Variants in PPFIA1 observed in about 807,000 individuals in gnomAD.
The protein encoded by PPFIA1 is PPFI scaffold protein A1.
PPFIA1 carries 25 observed loss-of-function variants against 149.9 expected under a neutral mutation model. The ratio of observed to expected loss-of-function variants is 0.17; its 90% CI spans 0.12 to 0.23. PPFIA1 has a LOEUF of 0.23. Among genes scored for constraint, PPFIA1 ranks in the 10% least tolerant of loss-of-function variants. The pLI, the probability that PPFIA1 is intolerant of heterozygous loss-of-function variation, is 1.00. For synonymous variants in PPFIA1, 549 were observed against 552.8 expected (o/e 0.99, Z 0.10); for missense variants, 1,362 against 1,506.5 (o/e 0.90, Z 1.59).
Position 70,331,977 on chromosome 11 carries a change from C to T in PPFIA1, c.1095C>T (p.Arg365=). The T allele has an allele frequency of 6.2e-7, 1 of 1,609,832 alleles. No homozygotes were observed. Among genetic ancestry groups the T allele is most frequent in the Non-Finnish European group, 8.5e-7 (1 of 1,178,730 alleles). Residue 365 remains arginine (R), a synonymous_variant, in exon 9 of 28, where the codon CGC becomes CGT. Coordinates refer to ENST00000253925, the MANE Select transcript of PPFIA1 (RefSeq NM_003626.5). ...TTTTATAGACTGAAGATAAAAACCG[C>T]CAGTTACAGGAGCGCTTGGAATTGG... ...SMHRQTEDKN[R]QLQERLELAE...
At position 70,332,074 on chromosome 11, in the gene PPFIA1, A is replaced by G; in HGVS notation, c.1192A>G (p.Arg398Gly). 1 of 1,609,094 alleles carries G rather than the reference A, an allele frequency of 6.2e-7. No homozygotes were observed. The highest frequency in any genetic ancestry group is 2.2e-5 in the East Asian group (1 of 44,530). Residue 398 changes from arginine (R) to glycine (G), a missense_variant, in exon 9 of 28, where the codon AGG becomes GGG. Coordinates refer to ENST00000253925, the MANE Select transcript of PPFIA1 (RefSeq NM_003626.5). ...LPEVEAELAQ[R>G]VAALSKAEER... ...GGAGGTGGAGGCGGAGCTGGCCCAG[A>G]GGGTGGCAGCGCTTTCCAAGGTAGT...
At chr11:70,354,164 G>A (rs1374091264) in intron 16 of PPFIA1, 137 bp from the exon 17 acceptor site, 15 of 910,240 alleles carry the variant, frequency 1.6e-5, no homozygotes, top group Non-Finnish European at 2.3e-5. Context: ...TCAGAATGGT[G>A]CCAGACTGAA....
intron 26 of PPFIA1, chr11:70,378,510 C>T (rs565528639): frequency 2.9e-6 from 3 of 1,025,818 alleles, no homozygotes; most frequent in Non-Finnish European, 3.5e-6. Flanking sequence ...TGTGACAGGC[C>T]GTGCTAGAAA....
At chr11:70,307,303 G>A (rs373334335) in intron 2 of PPFIA1, among the ~76,000 whole-genome samples, 1 of 152,174 alleles carries the variant, frequency 6.6e-6, no homozygotes, top group African/African-American at 2.4e-5. Flanking sequence ...GCAAAAGATT[G>A]GAAGCAGGAA....
intron 7 of PPFIA1, among the ~76,000 whole-genome samples, chr11:70,329,121 C>G (rs1270546745): frequency 2.0e-5 from 3 of 152,174 alleles, no homozygotes; most frequent in Non-Finnish European, 2.9e-5. Context: ...GAAAGTGAGA[C>G]TTGTATCTCA....
At chr11:70,315,966 A>C (rs1240181561) in intron 2 of PPFIA1, among the ~76,000 whole-genome samples, 2 of 152,210 alleles carry the variant, frequency 1.3e-5, no homozygotes, top group African/African-American at 4.8e-5. Flanking sequence ...TATAAGTGGA[A>C]TTCTACAGTG....
Position 70,354,101 on chromosome 11 carries a change from G to T in PPFIA1, c.2164-200G>T, listed in dbSNP as rs542912215. ...CTGTTGGGCCCCAGCGCACGCTCGT[G>T]GGGAGGCAGACCAGGAGTCTGACAA... On this transcript the variant is annotated intron_variant, in intron 16 of 27. Coordinates refer to ENST00000253925, the MANE Select transcript of PPFIA1 (RefSeq NM_003626.5). 3.7e-4 allele frequency: 205 copies of T among 552,422 alleles called. No homozygotes were observed. The East Asian group carries it at 5.4e-3, about 15-fold the overall frequency. The allele number at this position is 552,422 out of a possible 1,614,324, so 34.2% of individuals were successfully genotyped here.
chr11:70,365,710 A>C (rs1440924440), intron 21 of PPFIA1: 1 of 353,142 alleles, frequency 2.8e-6, no homozygotes, highest in Non-Finnish European at 5.6e-6. Flanking sequence ...CATGTGACTG[A>C]CTGTGTGGCC....
At position 70,310,578 on chromosome 11, in the gene PPFIA1, G is replaced by A. The variant is rs542985465; in HGVS notation, c.265-13824G>A. Among the ~76,000 whole-genome samples the A allele has an allele frequency of 6.3e-4, 96 of 152,028 alleles. 2 individuals carry two copies. In the South Asian group the frequency reaches 0.02, roughly 31 times the overall value. On this transcript the variant is annotated intron_variant, in intron 2 of 27. Coordinates refer to ENST00000253925, the MANE Select transcript of PPFIA1 (RefSeq NM_003626.5). ...TTTTGGTATTTTTAGTAGAGATGGG[G>A]TTTCACCATGTTGGCCAGAATGATG...
chr11:70,351,724 A>G (rs2056066573), intron 16 of PPFIA1, among the ~76,000 whole-genome samples: 1 of 152,104 alleles, frequency 6.6e-6, no homozygotes, highest in African/African-American at 2.4e-5. Flanking sequence ...TCCCCATTTT[A>G]CAGATGTGGA....
intron 2 of PPFIA1, among the ~76,000 whole-genome samples, chr11:70,317,373 A>G (rs1248111011): frequency 6.6e-6 from 1 of 152,090 alleles, no homozygotes; most frequent in Non-Finnish European, 1.5e-5. Flanking sequence ...ATTTGCTTTG[A>G]TATATTTTCA....
rs1366395548 is a variant in PPFIA1, at chr11:70,287,730, G to GC, written c.264+15296dup. Among the ~76,000 whole-genome samples, 7 of 151,858 alleles carry GC rather than the reference G, an allele frequency of 4.6e-5. No homozygotes were observed. In the East Asian group the frequency reaches 1.4e-3, roughly 30 times the overall value. On this transcript the variant is annotated intron_variant, in intron 2 of 27. Coordinates refer to ENST00000253925, the MANE Select transcript of PPFIA1 (RefSeq NM_003626.5). ...ACAATCACAGCTCACCGTATTCTCA[G>GC]CCTCCCTAGCTCAGGCAGTCCTCCC... is the stretch of plus-strand genomic sequence containing the variant.
chr11:70,315,678 G>GTTTTT (rs71049904), intron 2 of PPFIA1, among the ~76,000 whole-genome samples: 22 of 73,018 alleles, frequency 3.0e-4, no homozygotes, highest in South Asian at 6.2e-4. Context: ...CTTTTTTTCT[G>GTTTTT]TTTTTTTTTT....
chr11:70,294,483 G>A (rs1209629581), intron 2 of PPFIA1, among the ~76,000 whole-genome samples: 2 of 152,076 alleles, frequency 1.3e-5, no homozygotes, highest in African/African-American at 4.8e-5. Flanking sequence ...ATCCTACCTT[G>A]AGTGTAACGA....
intron 21 of PPFIA1, among the ~76,000 whole-genome samples, chr11:70,367,978 A>T (rs1382940636): frequency 6.6e-6 from 1 of 152,238 alleles, no homozygotes; most frequent in African/African-American, 2.4e-5. Context: ...CTCTACAAAA[A>T]ATATAAAAAT....
At chr11:70,315,880 C>G (rs555738371) in intron 2 of PPFIA1, among the ~76,000 whole-genome samples, 6 of 152,050 alleles carry the variant, frequency 3.9e-5, no homozygotes, top group African/African-American at 1.4e-4. Context: ...CTATCTCACC[C>G]TCCCCACCCA....
At chr11:70,351,014 T>C (rs1413199065) in intron 16 of PPFIA1, 3 of 1,255,524 alleles carry the variant, frequency 2.4e-6, no homozygotes, top group African/African-American at 1.5e-5. Flanking sequence ...TAAGGAAACA[T>C]CGTAGAAAGG....
chr11:70,279,067 T>G (rs2050582867), intron 2 of PPFIA1: 2 of 505,504 alleles, frequency 4.0e-6, no homozygotes, highest in East Asian at 8.9e-5. Context: ...TGCTTTACTG[T>G]GAAGTCTTTT....
intron 23 of PPFIA1, chr11:70,374,532 T>A (rs2057403326): frequency 5.8e-6 from 1 of 171,556 alleles, no homozygotes; most frequent in East Asian, 1.7e-4. Context: ...GCCAGCTCCA[T>A]CCGTGATGAA....
Sources: allele counts gnomAD v4.1 joint callset (sites outside exome capture counted in the v4.1 genomes callset), GRCh38; gene constraint gnomAD v4.1.1; transcripts MANE v1.5; gene names NCBI Gene and HGNC (gene_info 2026-07-23, HGNC 2026-07-21).